PPP2R5A: variants seen among roughly 807,000 people sequenced by gnomAD.
PPP2R5A encodes protein phosphatase 2 regulatory subunit B'alpha, also known as serine/threonine-protein phosphatase 2A 56 kDa regulatory subunit alpha isoform.
In PPP2R5A, 25 loss-of-function variants were observed where a neutral mutation model predicts 64.2. The ratio of observed to expected loss-of-function variants is 0.39; its 90% CI spans 0.28 to 0.54. The LOEUF (loss-of-function observed/expected upper bound fraction) is 0.54, where lower values mean the gene tolerates loss of function less well. PPP2R5A is among the 20% of genes least tolerant of loss of function. The probability of loss-of-function intolerance (pLI) is 0.67; values close to 1 mark genes in which losing one functional copy is unlikely to be tolerated. For missense variants in PPP2R5A, 425 were observed against 576.3 expected (o/e 0.74, Z 2.69); for synonymous variants, 198 against 201.2 (o/e 0.98, Z 0.13).
At chr1:212,312,564 T>G (rs1196352107) in intron 1 of PPP2R5A, among the ~76,000 whole-genome samples, 2 of 152,220 alleles carry the variant, frequency 1.3e-5, no homozygotes, top group African/African-American at 2.4e-5. Flanking sequence ...TAGCTTTTTT[T>G]GTAGTAATAA....
intron 1 of PPP2R5A, among the ~76,000 whole-genome samples, chr1:212,311,390 A>G (rs529767748): frequency 6.6e-6 from 1 of 151,542 alleles, no homozygotes; most frequent in African/African-American, 2.4e-5. Context: ...AATGGCATGA[A>G]CCCGGGAGGC....
rs373475469 is a variant in PPP2R5A at position 212,333,473 on chromosome 1, C to T, written c.379-24C>T. On this transcript the variant is annotated intron_variant, in intron 2 of 12. Transcript: ENST00000261461. ...ATTCAATTACACATACAACAACGAA[C>T]GTAAAATTATTTTTTCTTTACAGAT... The T allele has an allele frequency of 5.3e-5, 75 of 1,405,282 alleles. No homozygotes were observed. In the Middle Eastern group the frequency reaches 7.3e-4, roughly 14 times the overall value. The allele number at this position is 1,405,282 out of a possible 1,614,324, so 87.1% of individuals were successfully genotyped here. A position where few individuals can be genotyped will look rare whatever the true frequency, so the allele number is the denominator to read the frequency against.
chr1:212,336,131 T>C (rs1297426834), intron 3 of PPP2R5A, among the ~76,000 whole-genome samples: 1 of 152,174 alleles, frequency 6.6e-6, no homozygotes, highest in Non-Finnish European at 1.5e-5. Context: ...GTATTTATTT[T>C]TGAGATGGAG....
At chr1:212,326,243 T>C (rs1337602007) in intron 1 of PPP2R5A, among the ~76,000 whole-genome samples, 1 of 90,132 alleles carries the variant, frequency 1.1e-5, no homozygotes, top group African/African-American at 3.3e-5. Flanking sequence ...AAATTCAATG[T>C]TTTTTTTTTT....
chr1:212,306,373 G>A (rs189342883), intron 1 of PPP2R5A, among the ~76,000 whole-genome samples: 7 of 151,752 alleles, frequency 4.6e-5, no homozygotes, highest in Admixed American at 3.9e-4. Context: ...GGGTAACTAC[G>A]AATTAAAAAA....
At chr1:212,326,373 C>G (rs533785446) in intron 1 of PPP2R5A, among the ~76,000 whole-genome samples, 1 of 151,870 alleles carries the variant, frequency 6.6e-6, no homozygotes, top group Non-Finnish European at 1.5e-5. Context: ...GCAGGCGGAT[C>G]ATTTGAGGTC....
At position 212,286,009 on chromosome 1, in the gene PPP2R5A, C is replaced by A; in HGVS notation, c.-102C>A. The A allele has an allele frequency of 2.4e-6, 3 of 1,241,744 alleles. No individual in the cohort carries two copies. The highest frequency in any genetic ancestry group is 3.1e-6 in the Non-Finnish European group (3 of 959,322). 76.9% of individuals were successfully genotyped at this position (1,241,744 alleles called of 1,614,324 possible). A position where few individuals can be genotyped will look rare whatever the true frequency, so the allele number is the denominator to read the frequency against. ...GGGCCGTGGGGCCGGGGCGCAGGGG[C>A]GCGAGCACCCCGCGCCTCTCCCCCG... On this transcript the variant is annotated 5_prime_UTR_variant, in exon 1 of 13. Coordinates refer to ENST00000261461, the MANE Select transcript of PPP2R5A (RefSeq NM_006243.4).
chr1:212,330,374 CTAAAAA>C (rs1659482076), intron 2 of PPP2R5A, among the ~76,000 whole-genome samples: 1 of 151,420 alleles, frequency 6.6e-6, no homozygotes, highest in Non-Finnish European at 1.5e-5. Flanking sequence ...ACAAAAAGTA[CTAAAAA>C]TAAAAATAAA....
Position 212,356,946 on chromosome 1 carries a change from C to T in PPP2R5A, c.979-4C>T. On this transcript the variant is annotated splice_polypyrimidine_tract_variant and splice_region_variant and intron_variant, in intron 9 of 12. Coordinates refer to ENST00000261461, the MANE Select transcript of PPP2R5A (RefSeq NM_006243.4). The stretch of plus-strand genomic sequence containing the variant: ...TTTCTTAAAATAAAATTTTTTTAAC[C>T]TAGGTGATGTTTTTAGGAGAAATTG... The T allele has an allele frequency of 1.3e-6, 2 of 1,545,978 alleles. No individual in the cohort carries two copies. Among genetic ancestry groups the T allele is most frequent in the Non-Finnish European group, 1.8e-6 (2 of 1,140,742 alleles).
rs1659217947 is a variant in PPP2R5A, at chr1:212,319,389, G to A, written c.182-9746G>A. 4 of 152,216 alleles carry A rather than the reference G, an allele frequency of 2.6e-5. No homozygotes were observed. In the South Asian group the frequency reaches 8.3e-4, roughly 31 times the overall value. 9.4% of individuals were successfully genotyped at this position (152,216 alleles called of 1,614,324 possible). A position where few individuals can be genotyped will look rare whatever the true frequency, so the allele number is the denominator to read the frequency against. ...GCATCTCTTGCAGGGAGAATGCCAG[G>A]TGAGCAAGTTGTCACCGTAGGAATC... On this transcript the variant is annotated intron_variant, in intron 1 of 12. Coordinates refer to ENST00000261461, the MANE Select transcript of PPP2R5A (RefSeq NM_006243.4).
intron 1 of PPP2R5A, chr1:212,306,706 C>T (rs572606300): frequency 6.6e-5 from 10 of 151,860 alleles, no homozygotes; most frequent in African/African-American, 2.4e-4. Flanking sequence ...GTTTGACAAT[C>T]TCTACCTTTT....
chr1:212,287,523 C>G (rs1658525425), intron 1 of PPP2R5A, among the ~76,000 whole-genome samples: 1 of 152,222 alleles, frequency 6.6e-6, no homozygotes, highest in Non-Finnish European at 1.5e-5. Flanking sequence ...CTACCTTGCC[C>G]TGACTCTTGG....
chr1:212,335,871 T>G (rs1420243295), intron 3 of PPP2R5A, among the ~76,000 whole-genome samples: 1 of 152,204 alleles, frequency 6.6e-6, no homozygotes, highest in Non-Finnish European at 1.5e-5. Flanking sequence ...TTTAATCAGA[T>G]GTAGTTGAAC....
intron 8 of PPP2R5A, among the ~76,000 whole-genome samples, chr1:212,349,941 G>A (rs1159101982): frequency 6.6e-6 from 1 of 152,200 alleles, no homozygotes; most frequent in Admixed American, 6.5e-5. Flanking sequence ...TATTTTGAGA[G>A]AATGCTTTCT....
At chr1:212,350,938 G>A (rs2102446174) in intron 8 of PPP2R5A, among the ~76,000 whole-genome samples, 1 of 146,540 alleles carries the variant, frequency 6.8e-6, no homozygotes, top group East Asian at 2.0e-4. Flanking sequence ...AGGAGTTCAA[G>A]ATCAGCCTGA....
At chr1:212,290,270 A>G (rs1658576887) in intron 1 of PPP2R5A, among the ~76,000 whole-genome samples, 1 of 152,246 alleles carries the variant, frequency 6.6e-6, no homozygotes, top group East Asian at 1.9e-4. Context: ...TGGAACAAGA[A>G]CACTGACATT....
intron 1 of PPP2R5A, among the ~76,000 whole-genome samples, chr1:212,322,069 T>A (rs1448668501): frequency 3.3e-5 from 5 of 150,946 alleles, no homozygotes; most frequent in Non-Finnish European, 7.4e-5. Flanking sequence ...GCGCCTGCAA[T>A]CGCAGGCACT....
intron 8 of PPP2R5A, among the ~76,000 whole-genome samples, chr1:212,353,761 A>G (rs767623773): frequency 3.9e-5 from 6 of 152,228 alleles, no homozygotes; most frequent in Admixed American, 6.5e-5. Flanking sequence ...CCAAAAAATA[A>G]TTCAATTGGC....
chr1:212,299,050 C>G lies in PPP2R5A; in HGVS notation c.181+12759C>G, dbSNP rs1477875191. 2.6e-4 allele frequency among the ~76,000 whole-genome samples: 6 copies of G among 23,300 alleles called. 2 individuals are homozygous for G. Among genetic ancestry groups the G allele is most frequent in the East Asian group, 2.3e-3 (2 of 876 alleles). The allele number at this position is 23,300 out of a possible 152,430, so 15.3% of individuals were successfully genotyped here. A position where few individuals can be genotyped will look rare whatever the true frequency, so the allele number is the denominator to read the frequency against. On this transcript the variant is annotated intron_variant, in intron 1 of 12. Coordinates refer to ENST00000261461, the MANE Select transcript of PPP2R5A (RefSeq NM_006243.4). ...CCGGCCGGGGCGGCTGGCCGACACCCCCCCCCCCCGCCTCCCTCCCGGACG... is the reference window on the plus strand; with the variant it reads ...CCGGCCGGGGCGGCTGGCCGACACCGCCCCCCCCCGCCTCCCTCCCGGACG...
Sources: gnomAD v4.1 joint callset for allele counts (sites outside exome capture counted in the v4.1 genomes callset) on GRCh38, gnomAD v4.1.1 for gene constraint, MANE v1.5 for transcripts, NCBI Gene and HGNC (gene_info 2026-07-23, HGNC 2026-07-21) for gene names.